The following ARHGEF11 variants were observed in gnomAD, a reference collection of about 807,000 sequenced individuals.
The protein encoded by ARHGEF11 is Rho guanine nucleotide exchange factor 11.
In ARHGEF11, 55 loss-of-function variants were observed where a neutral mutation model predicts 193.7. The ratio of observed to expected loss-of-function variants is 0.28; its 90% CI spans 0.23 to 0.36. ARHGEF11 has a LOEUF of 0.36. Among genes scored for constraint, ARHGEF11 ranks in the 10% least tolerant of loss-of-function variants. The probability of loss-of-function intolerance (pLI) is 1.00; values close to 1 mark genes in which losing one functional copy is unlikely to be tolerated. For synonymous variants in ARHGEF11, 693 were observed against 768.0 expected, an observed-to-expected ratio of 0.90 and a Z score of 1.62; for missense variants, 1,723 against 2,005.6, an observed-to-expected ratio of 0.86 and a Z score of 2.69.
At chr1:156,969,447 G>A (rs1662213238) in intron 9 of ARHGEF11, 89 bp from the exon 10 acceptor site, 1 of 1,261,828 alleles carries the variant, frequency 7.9e-7, no homozygotes, top group Non-Finnish European at 1.1e-6. Flanking sequence ...TGCAGGGCAG[G>A]AAGAGGGAGC....
chr1:156,956,450 C>T lies in ARHGEF11; in HGVS notation c.1641G>A (p.Lys547=), dbSNP rs762012582. 1.4e-5 allele frequency: 22 copies of T among 1,614,166 alleles called. No individual in the cohort carries two copies. The South Asian group carries it at 2.3e-4, about 17-fold the overall frequency. ...TGGTCTTAGGGAAGAACGGTAGCCACTTGTCCTTGTCAGGAGCAGACTGGG... is the reference window on the plus strand; with the variant it reads ...TGGTCTTAGGGAAGAACGGTAGCCATTTGTCCTTGTCAGGAGCAGACTGGG... ...EKAQSAPDKD[K]WLPFFPKTKK... is the part of the protein sequence containing the mutation. Residue 547 remains lysine, a synonymous_variant, in exon 19 of 41, where the codon AAG becomes AAA. Coordinates refer to ENST00000368194, the MANE Select transcript of ARHGEF11 (RefSeq NM_198236.3).
chr1:156,955,327 G>A (rs60115160), intron 20 of ARHGEF11, among the ~76,000 whole-genome samples: 3,368 of 152,224 alleles, frequency 0.022, 103 homozygotes, highest in African/African-American at 0.07. Flanking sequence ...TCCCCCGCCC[G>A]CATCTATACT....
chr1:157,010,784 G>A (rs145897037), intron 1 of ARHGEF11, among the ~76,000 whole-genome samples: 4 of 151,788 alleles, frequency 2.6e-5, no homozygotes, highest in Admixed American at 1.3e-4. Context: ...TATTAATAGC[G>A]GCAAAAAGAA....
intron 1 of ARHGEF11, among the ~76,000 whole-genome samples, chr1:156,991,871 T>C (rs909407955): frequency 2.7e-5 from 4 of 150,072 alleles, no homozygotes; most frequent in Non-Finnish European, 3.0e-5. Flanking sequence ...CGCCCGCCAC[T>C]ACGCCCGGCT....
rs551731125 is a variant in ARHGEF11 at position 156,948,315 on chromosome 1, C to A, written c.2105+4G>T. On this transcript the variant is annotated splice_donor_region_variant and intron_variant, in intron 23 of 40. Transcript: ENST00000368194. This position sits in a 1 kb window ranked among gnomAD's most constrained non-coding sequence, Gnocchi z 4.2. ...ATGGGTGCAGCCGTTGTAGCCCTGC[C>A]CACCTGGTGGAGAGGCTGGAGGTAG... 1 of 1,613,678 alleles carries A rather than the reference C, an allele frequency of 6.2e-7. No individual in the cohort carries two copies. Among genetic ancestry groups the A allele is most frequent in the South Asian group, 1.1e-5 (1 of 91,072 alleles).
At chr1:157,024,514 T>C (rs565440313) in intron 1 of ARHGEF11, among the ~76,000 whole-genome samples, 2 of 152,304 alleles carry the variant, frequency 1.3e-5, no homozygotes, top group Admixed American at 6.5e-5. Context: ...TAAATGGCTA[T>C]GGATTGTGAA....
At chr1:157,032,854 G>A (rs1557985362) in intron 1 of ARHGEF11, among the ~76,000 whole-genome samples, 2 of 152,080 alleles carry the variant, frequency 1.3e-5, no homozygotes, top group Non-Finnish European at 2.9e-5. Context: ...ACTTGACATT[G>A]TTAATCACTC....
intron 7 of ARHGEF11, among the ~76,000 whole-genome samples, chr1:156,976,258 A>G (rs539888516): frequency 2.4e-4 from 36 of 152,150 alleles, no homozygotes; most frequent in Non-Finnish European, 4.4e-4. Flanking sequence ...TTTGCCTACT[A>G]AAGTACCACT....
chr1:157,009,251 T>C (rs888658997), intron 1 of ARHGEF11, among the ~76,000 whole-genome samples: 8 of 152,232 alleles, frequency 5.3e-5, no homozygotes, highest in African/African-American at 1.9e-4. Context: ...TTATACTTAA[T>C]ATGCTTCCCA....
chr1:156,946,889 C>T (rs1240594796), intron 27 of ARHGEF11, 47 bp downstream of exon 27: 1 of 1,613,418 alleles, frequency 6.2e-7, no homozygotes, highest in Admixed American at 1.7e-5. Flanking sequence ...GAGACCCTGC[C>T]TCCCCCAATC....
At chr1:156,943,635 C>T (rs1004520387) in intron 32 of ARHGEF11, among the ~76,000 whole-genome samples, 13 of 152,198 alleles carry the variant, frequency 8.5e-5, no homozygotes, top group African/African-American at 3.1e-4. Flanking sequence ...TCCCATTCTT[C>T]CCAATCCTGC....
intron 40 of ARHGEF11, chr1:156,936,262 G>A (rs776166581): frequency 1.3e-6 from 1 of 754,174 alleles, no homozygotes; most frequent in Non-Finnish European, 2.5e-6. Flanking sequence ...GGTCAGGTAG[G>A]TATGTGCCTT....
rs1217933248 is a variant in ARHGEF11, at chr1:156,957,824, G to T, written c.1503-9C>A. 14 of 1,614,014 alleles carry T rather than the reference G, an allele frequency of 8.7e-6. No homozygotes were observed. Among genetic ancestry groups the T allele is most frequent in the Non-Finnish European group, 1.2e-5 (14 of 1,179,938 alleles). ...CTTCCTCATACTTGGACCTGGAATG[G>T]AAGAAAGAACAGATGACTCAGACTG... On this transcript the variant is annotated splice_polypyrimidine_tract_variant and intron_variant, in intron 17 of 40. Coordinates refer to ENST00000368194, the MANE Select transcript of ARHGEF11 (RefSeq NM_198236.3).
chr1:156,942,121 G>T, intron 33 of ARHGEF11, 132 bp from the exon 34 acceptor site: 2 of 1,300,030 alleles, frequency 1.5e-6, no homozygotes, highest in Non-Finnish European at 2.1e-6. Context: ...CCACCTCCCT[G>T]TACAGTCCTC....
At chr1:156,937,162 C>T in intron 39 of ARHGEF11, 87 bp downstream of exon 39, 3 of 1,588,736 alleles carry the variant, frequency 1.9e-6, no homozygotes, top group Non-Finnish European at 2.6e-6. Context: ...TCTAGGGCTC[C>T]CGCGAAGACA....
At chr1:156,937,555 C>T (rs939340852) in intron 38 of ARHGEF11, 59 bp from the exon 39 acceptor site, 2 of 1,490,466 alleles carry the variant, frequency 1.3e-6, no homozygotes, top group African/African-American at 1.4e-5. Context: ...AAGCTATCCT[C>T]CCGTTCCTGT....
intron 3 of ARHGEF11, among the ~76,000 whole-genome samples, chr1:156,983,570 GT>G (rs1310089480): frequency 2.0e-5 from 3 of 152,180 alleles, no homozygotes; most frequent in African/African-American, 7.2e-5. Context: ...ACCAACAGTG[GT>G]TCCACTACCT....
chr1:156,978,368 C>T lies in ARHGEF11; in HGVS notation c.346G>A (p.Ala116Thr), dbSNP rs367970481. Residue 116 changes from alanine (A) to threonine (T), a missense_variant, in exon 6 of 41, where the codon GCA becomes ACA. Transcript: ENST00000368194. ...VKLIKSGAYV[A>T]LTLLGSSPSS... Reference sequence around the variant, plus strand: ...GGTGAAGAGCCCAGGAGGGTGAGTGCGACATAGGCGCCAGCTAGAGGGAAA... The same window carrying T: ...GGTGAAGAGCCCAGGAGGGTGAGTGTGACATAGGCGCCAGCTAGAGGGAAA... 1.1e-5 allele frequency: 17 copies of T among 1,600,808 alleles called. No individual in the cohort carries two copies. Among genetic ancestry groups the T allele is most frequent in the East Asian group, 4.5e-5 (2 of 44,754 alleles).
At chr1:156,984,224 G>C (rs1006397541) in intron 3 of ARHGEF11, 115 bp downstream of exon 3, 18 of 851,458 alleles carry the variant, frequency 2.1e-5, no homozygotes, top group Non-Finnish European at 3.3e-5. Context: ...TGGAGAACCA[G>C]TTCTAGAGTA....
Sources: allele counts gnomAD v4.1 joint callset (sites outside exome capture counted in the v4.1 genomes callset), GRCh38; gene constraint gnomAD v4.1.1; non-coding constraint Gnocchi (gnomAD v3.1); transcripts MANE v1.5; gene names NCBI Gene and HGNC (gene_info 2026-07-23, HGNC 2026-07-21).